Variants in BMP6 observed in about 807,000 individuals in gnomAD.
The protein encoded by BMP6 is VG-1-R.
Under a neutral mutation model 54.1 loss-of-function variants are expected in BMP6, and 17 were observed. The observed-to-expected ratio is 0.31, with a 90% confidence interval of 0.22 to 0.47. The LOEUF (loss-of-function observed/expected upper bound fraction) is 0.47, where lower values mean the gene tolerates loss of function less well. Ranked by LOEUF, BMP6 falls within the 20% of genes least tolerant of loss-of-function variation. The pLI is 1.00. For missense variants in BMP6, 720 were observed against 690.4 expected (o/e 1.04, Z -0.48); for synonymous variants, 328 against 291.2 (o/e 1.13, Z -1.28).
At chr6:7,834,502 C>G (rs34601237) in intron 1 of BMP6, among the ~76,000 whole-genome samples, 10,400 of 150,494 alleles carry the variant, frequency 0.069, 640 homozygotes, top group African/African-American at 0.16. Flanking sequence ...ACAAACCAAA[C>G]AAAAAGGGAG....
intron 1 of BMP6, among the ~76,000 whole-genome samples, chr6:7,829,020 G>T (rs1029494588): frequency 1.3e-5 from 2 of 152,204 alleles, no homozygotes; most frequent in African/African-American, 4.8e-5. Context: ...ATAGGAATAT[G>T]AATCCCCAGT....
At chr6:7,830,534 C>T (rs1026642619) in intron 1 of BMP6, among the ~76,000 whole-genome samples, 1 of 152,156 alleles carries the variant, frequency 6.6e-6, no homozygotes, top group Non-Finnish European at 1.5e-5. Context: ...AGAATGACCT[C>T]TGAGGAATCA....
At position 7,867,180 on chromosome 6, in the gene BMP6, G is replaced by A. The variant is rs7740662; in HGVS notation, c.1204+4682G>A. On this transcript the variant is annotated intron_variant, in intron 4 of 6. Coordinates refer to ENST00000283147, the MANE Select transcript of BMP6 (RefSeq NM_001718.6). ...AGCCACCACATCTGGCCAGCATTTTGTAGAGTAAGTTCTCCTTCCCTCCTT... is the reference window on the plus strand; with the variant it reads ...AGCCACCACATCTGGCCAGCATTTTATAGAGTAAGTTCTCCTTCCCTCCTT... Among the ~76,000 whole-genome samples, 923 of 152,174 alleles carry A rather than the reference G, an allele frequency of 6.1e-3. 8 individuals carry two copies. Among genetic ancestry groups the A allele is most frequent in the African/African-American group, 0.021 (851 of 41,512 alleles).
At chr6:7,784,581 T>G (rs1757995805) in intron 1 of BMP6, among the ~76,000 whole-genome samples, 1 of 152,240 alleles carries the variant, frequency 6.6e-6, no homozygotes, top group African/African-American at 2.4e-5. Context: ...AGATATTTTT[T>G]CCAGAGTTGC....
chr6:7,727,512 G>A lies in BMP6; in HGVS notation c.557G>A (p.Ser186Asn), dbSNP rs1229200289. ...PGAAHPLNRK[S>N]LLAPGSGSGG... ...GCCGCGCACCCGCTCAACCGCAAGAGCCTTCTGGCCCCCGGATCTGGCAGC... is the reference window on the plus strand; with the variant it reads ...GCCGCGCACCCGCTCAACCGCAAGAACCTTCTGGCCCCCGGATCTGGCAGC... The change falls in exon 1 of 7, where the codon AGC (serine) becomes AAC (asparagine). Residue 186 changes from serine to asparagine, a missense_variant. Transcript: ENST00000283147. The A allele has an allele frequency of 1.9e-6, 3 of 1,596,064 alleles. No individual in the cohort carries two copies. The highest frequency in any genetic ancestry group is 3.4e-5 in the Admixed American group (2 of 59,450).
At chr6:7,862,637 A>G (rs1028733379) in intron 4 of BMP6, 139 bp downstream of exon 4, 10 of 1,127,730 alleles carry the variant, frequency 8.9e-6, no homozygotes, top group Admixed American at 2.1e-5. Context: ...GCATGATGGT[A>G]CCTTGTACAG....
chr6:7,729,271 T>G (rs1435557627), intron 1 of BMP6, among the ~76,000 whole-genome samples: 2 of 152,192 alleles, frequency 1.3e-5, no homozygotes, highest in Admixed American at 6.5e-5. Flanking sequence ...GCTTCTGACT[T>G]AGTAAATTCC....
At chr6:7,830,153 T>A (rs558353318) in intron 1 of BMP6, among the ~76,000 whole-genome samples, 1 of 151,948 alleles carries the variant, frequency 6.6e-6, no homozygotes, top group Non-Finnish European at 1.5e-5. Flanking sequence ...GCACCCCCCC[T>A]CTCTCTCATG....
chr6:7,786,824 G>C (rs891597521), intron 1 of BMP6, among the ~76,000 whole-genome samples: 1 of 152,128 alleles, frequency 6.6e-6, no homozygotes, highest in Non-Finnish European at 1.5e-5. Flanking sequence ...GTCAAAGCAG[G>C]GAGGGTTTCC....
chr6:7,790,447 G>T (rs1758078943), intron 1 of BMP6, among the ~76,000 whole-genome samples: 1 of 149,068 alleles, frequency 6.7e-6, no homozygotes, highest in African/African-American at 2.5e-5. Context: ...GGGCCCTGGA[G>T]GTGGAGGTTT....
intron 1 of BMP6, among the ~76,000 whole-genome samples, chr6:7,840,702 T>G (rs1054081428): frequency 6.6e-6 from 1 of 152,130 alleles, no homozygotes; most frequent in African/African-American, 2.4e-5. Flanking sequence ...AGTTTGTTGT[T>G]TTGTTTTTAT....
At chr6:7,871,776 C>T (rs1275097792) in intron 4 of BMP6, among the ~76,000 whole-genome samples, 2 of 152,210 alleles carry the variant, frequency 1.3e-5, no homozygotes, top group Admixed American at 6.5e-5. Context: ...TGTGTCTCAG[C>T]AGGGCAGTAG....
At chr6:7,816,375 C>CA (rs1341259734) in intron 1 of BMP6, among the ~76,000 whole-genome samples, 19 of 152,040 alleles carry the variant, frequency 1.2e-4, no homozygotes, top group African/African-American at 4.1e-4. Context: ...GCTTGGGGGT[C>CA]AAAAAAACTC....
At chr6:7,740,645 T>G (rs1762028856) in intron 1 of BMP6, among the ~76,000 whole-genome samples, 1 of 152,124 alleles carries the variant, frequency 6.6e-6, no homozygotes, top group South Asian at 2.1e-4. Flanking sequence ...CCACCCTGAC[T>G]CGGGGGATTT....
At chr6:7,858,833 C>G (rs1007683368) in intron 2 of BMP6, among the ~76,000 whole-genome samples, 32 of 150,850 alleles carry the variant, frequency 2.1e-4, no homozygotes, top group African/African-American at 7.8e-4. Context: ...CCAAGCCTTC[C>G]TCGCTGCCAT....
At chr6:7,840,094 A>T (rs1758944226) in intron 1 of BMP6, among the ~76,000 whole-genome samples, 1 of 152,250 alleles carries the variant, frequency 6.6e-6, no homozygotes, top group South Asian at 2.1e-4. Flanking sequence ...ACCCGCTGAC[A>T]GGCAGACGAC....
At chr6:7,730,905 T>C (rs1761842884) in intron 1 of BMP6, among the ~76,000 whole-genome samples, 2 of 152,242 alleles carry the variant, frequency 1.3e-5, no homozygotes, top group African/African-American at 4.8e-5. Flanking sequence ...CAAGGGAAAG[T>C]ATTACATAGT....
chr6:7,731,422 CTT>C (rs1761855764), intron 1 of BMP6, among the ~76,000 whole-genome samples: 1 of 152,196 alleles, frequency 6.6e-6, no homozygotes, highest in Non-Finnish European at 1.5e-5. Flanking sequence ...CAGCACTCTG[CTT>C]ATTTCCTTCC....
intron 1 of BMP6, among the ~76,000 whole-genome samples, chr6:7,839,492 T>C (rs571368180): frequency 1.4e-4 from 21 of 152,360 alleles, no homozygotes; most frequent in Admixed American, 3.9e-4. Flanking sequence ...TAGCCCCTGG[T>C]ATACCATTCT....
Sources: allele counts gnomAD v4.1 joint callset (sites outside exome capture counted in the v4.1 genomes callset), GRCh38; gene constraint gnomAD v4.1.1; transcripts MANE v1.5; gene names NCBI Gene and HGNC (gene_info 2026-07-23, HGNC 2026-07-21).